SLC8A1: variants seen among roughly 807,000 people sequenced by gnomAD.
SLC8A1 encodes sodium/calcium exchanger 1.
A neutral mutation model predicts 68.3 loss-of-function variants in SLC8A1; 18 were observed. The ratio of observed to expected loss-of-function variants is 0.26; its 90% CI spans 0.18 to 0.39. The LOEUF is 0.39. Ranked by LOEUF, SLC8A1 falls within the 10% of genes least tolerant of loss-of-function variation. SLC8A1 has a pLI of 1.00. For missense variants in SLC8A1, 985 were observed against 1,156.7 expected (o/e 0.85, Z 2.15); for synonymous variants, 475 against 415.5 (o/e 1.14, Z -1.74).
At position 40,326,806 on chromosome 2, in the gene SLC8A1, A is replaced by C. The variant is rs142458495; in HGVS notation, c.1808+101667T>G. On this transcript the variant is annotated intron_variant, in intron 2 of 7. Coordinates refer to ENST00000406785, the Ensembl canonical transcript of SLC8A1. The stretch of plus-strand genomic sequence containing the variant: ...GGGCCTGTGTTTTAAGTATTCTCTT[A>C]ATCTAATCTGTTTGATCCATTTAAA... Among the ~76,000 whole-genome samples, 1,334 of 152,280 alleles carry C rather than the reference A, an allele frequency of 8.8e-3. 14 individuals are homozygous for C. The highest frequency in any genetic ancestry group is 0.03 in the African/African-American group (1,260 of 41,558).
At chr2:40,213,182 G>C (rs1365473655) in intron 2 of SLC8A1, 1 of 152,138 alleles carries the variant, frequency 6.6e-6, no homozygotes, top group African/African-American at 2.4e-5. Flanking sequence ...TCAAATTCCT[G>C]TTCCCAGTGA....
intron 2 of SLC8A1, among the ~76,000 whole-genome samples, chr2:40,236,328 T>G (rs1343380366): frequency 1.3e-5 from 2 of 152,166 alleles, no homozygotes; most frequent in Non-Finnish European, 2.9e-5. Flanking sequence ...CTCTTCTTGT[T>G]GAATTGATCT....
intron 1 of SLC8A1, among the ~76,000 whole-genome samples, chr2:40,496,527 G>T (rs908714769): frequency 1.3e-5 from 2 of 151,900 alleles, no homozygotes; most frequent in Non-Finnish European, 2.9e-5. Context: ...ACTTTTAAAA[G>T]GTTATTCTGA....
At chr2:40,120,412 C>T (rs569374028) in intron 7 of SLC8A1, among the ~76,000 whole-genome samples, 170 of 152,292 alleles carry the variant, frequency 1.1e-3, no homozygotes, top group African/African-American at 3.8e-3. Flanking sequence ...GAAGAAGCCT[C>T]ATCAAAGAGA....
chr2:40,392,657 G>C (rs140143431), intron 2 of SLC8A1, among the ~76,000 whole-genome samples: 1 of 152,092 alleles, frequency 6.6e-6, no homozygotes, highest in African/African-American at 2.4e-5. Context: ...CCAAGATTTT[G>C]TATTCCTTGA....
At chr2:40,499,688 T>C (rs1450248221) in intron 1 of SLC8A1, among the ~76,000 whole-genome samples, 1 of 152,036 alleles carries the variant, frequency 6.6e-6, no homozygotes, top group East Asian at 1.9e-4. Flanking sequence ...TAGGACAATC[T>C]TCTGGTTGGT....
At chr2:40,346,781 A>T (rs1418937615) in intron 2 of SLC8A1, among the ~76,000 whole-genome samples, 1 of 152,122 alleles carries the variant, frequency 6.6e-6, no homozygotes, top group Admixed American at 6.6e-5. Context: ...ACTAAAGGAA[A>T]GGGAAAAAAG....
At chr2:40,202,810 A>G (rs376491) in intron 2 of SLC8A1, among the ~76,000 whole-genome samples, 20,380 of 151,958 alleles carry the variant, frequency 0.13, 1,755 homozygotes, top group African/African-American at 0.22. Context: ...ATGAATTGCA[A>G]TTACCCTCTG....
At chr2:40,339,900 T>C (rs901949488) in intron 2 of SLC8A1, among the ~76,000 whole-genome samples, 3 of 152,234 alleles carry the variant, frequency 2.0e-5, no homozygotes, top group African/African-American at 7.2e-5. Context: ...TGCATACCTA[T>C]TGTGTATACT....
intron 1 of SLC8A1, among the ~76,000 whole-genome samples, chr2:40,433,536 G>C (rs143760023): frequency 2.6e-3 from 396 of 152,130 alleles, no homozygotes; most frequent in African/African-American, 8.9e-3. Context: ...AAAATGCCTA[G>C]TGTTGCTATT....
At chr2:40,452,609 T>A (rs1290856355), upstream of SLC8A1, among the ~76,000 whole-genome samples, 3 of 152,152 alleles carry the variant, frequency 2.0e-5, no homozygotes, top group Non-Finnish European at 4.4e-5. Context: ...CCTCACTTCC[T>A]GCCCTTCTGC....
At chr2:40,430,203 T>C (rs1697935305) in exon 2 of SLC8A1, 1 of 1,613,532 alleles carries the variant, frequency 6.2e-7, no homozygotes, top group Non-Finnish European at 8.5e-7. Flanking sequence ...CATGGGAAAA[T>C]AAGAGACTCA....
chr2:40,278,001 T>C (rs1268577078), intron 2 of SLC8A1, among the ~76,000 whole-genome samples: 3 of 151,956 alleles, frequency 2.0e-5, no homozygotes, highest in Non-Finnish European at 2.9e-5. Context: ...GTCTACATGA[T>C]AGAACTAGGA....
intron 4 of SLC8A1, among the ~76,000 whole-genome samples, chr2:40,166,887 A>G (rs1257047394): frequency 6.6e-6 from 1 of 152,242 alleles, no homozygotes; most frequent in Non-Finnish European, 1.5e-5. Flanking sequence ...AAGAAGGAAT[A>G]TTACAACTTG....
intron 2 of SLC8A1, among the ~76,000 whole-genome samples, chr2:40,250,787 A>C (rs1305046345): frequency 6.6e-6 from 1 of 152,230 alleles, no homozygotes. Context: ...GGGGAAAGGC[A>C]AATGGGATGT....
intron 2 of SLC8A1, among the ~76,000 whole-genome samples, chr2:40,405,960 G>C (rs1302350372): frequency 6.6e-6 from 1 of 152,170 alleles, no homozygotes; most frequent in Admixed American, 6.5e-5. Flanking sequence ...AATCTTCAAA[G>C]ACTACTATAA....
rs550649547 is a variant in SLC8A1, at chr2:40,269,143, T to C, written c.1809-91288A>G. Among the ~76,000 whole-genome samples the C allele has an allele frequency of 4.6e-5, 7 of 152,342 alleles. No individual in the cohort carries two copies. The South Asian group carries it at 1.2e-3, about 27-fold the overall frequency. ...AGGCTTCCAGAACTCAACTCTATTA[T>C]AGACTAAGAACTTTACTTCGTCAAT... On this transcript the variant is annotated intron_variant, in intron 2 of 7. Coordinates refer to ENST00000406785, the Ensembl canonical transcript of SLC8A1.
chr2:40,491,837 A>G (rs1257297255), intron 1 of SLC8A1, among the ~76,000 whole-genome samples: 2 of 152,138 alleles, frequency 1.3e-5, no homozygotes, highest in Non-Finnish European at 2.9e-5. Flanking sequence ...GCTCAGTGAA[A>G]TAAAAGAGGA....
At chr2:40,229,577 C>T (rs983211620) in intron 2 of SLC8A1, among the ~76,000 whole-genome samples, 1 of 152,130 alleles carries the variant, frequency 6.6e-6, no homozygotes, top group African/African-American at 2.4e-5. Flanking sequence ...TGGCAAATCT[C>T]CTAAATAAGT....
Sources: gnomAD v4.1 joint callset for allele counts (sites outside exome capture counted in the v4.1 genomes callset) on GRCh38, gnomAD v4.1.1 for gene constraint, MANE v1.5 for transcripts, NCBI Gene and HGNC (gene_info 2026-07-23, HGNC 2026-07-21) for gene names.